DNER: variants seen among roughly 807,000 people sequenced by gnomAD.
The protein encoded by DNER is delta and Notch-like epidermal growth factor-related receptor.
DNER carries 33 observed loss-of-function variants against 78.2 expected under a neutral mutation model. The observed-to-expected ratio is 0.42, with a 90% CI of 0.32 to 0.56. The LOEUF is 0.56. Among genes scored for constraint, DNER ranks in the 20% least tolerant of loss-of-function variants. The pLI is 0.11. For missense variants in DNER, 918 were observed against 975.3 expected, an observed-to-expected ratio of 0.94 and a Z score of 0.78; for synonymous variants, 417 against 384.8, an observed-to-expected ratio of 1.08 and a Z score of -0.98.
In DNER at chr2:229,376,719, CA is replaced by C. The variant is rs575540376; in HGVS notation, c.1856-9601del. Among the ~76,000 whole-genome samples the C allele has an allele frequency of 2.2e-3, 339 of 152,180 alleles. 1 individual carries two copies. Among genetic ancestry groups the C allele is most frequent in the Non-Finnish European group, 3.6e-3 (243 of 67,996 alleles). ...AGTGTGTATAAAACTCTCATTTGTA[CA>C]GGAGAAAATAGGAACTTATCTATTG... On this transcript the variant is annotated intron_variant, in intron 11 of 12. Coordinates refer to ENST00000341772, the MANE Select transcript of DNER (RefSeq NM_139072.4).
At position 229,517,511 on chromosome 2, in the gene DNER, C is replaced by A. The variant is rs1696004186; in HGVS notation, c.994-4575G>T. Among the ~76,000 whole-genome samples the A allele has an allele frequency of 2.0e-5, 3 of 152,260 alleles. No homozygotes were observed. In the East Asian group the frequency reaches 5.8e-4, roughly 29 times the overall value. The stretch of plus-strand genomic sequence containing the variant: ...ATGGAGGCATCCGAGGAAAGGTATT[C>A]CAGGTGAGGGGAACAGCCAGTACAA... On this transcript the variant is annotated intron_variant, in intron 5 of 12. Coordinates refer to ENST00000341772, the MANE Select transcript of DNER (RefSeq NM_139072.4).
chr2:229,388,434 ACCCATGGTT>A, intron 10 of DNER, 38 bp from the exon 11 acceptor site: 2 of 1,557,460 alleles, frequency 1.3e-6, no homozygotes, highest in South Asian at 1.2e-5. Context: ...AAACCGCTGC[ACCCATGGTT>A]CCTGTCATTT....
intron 7 of DNER, among the ~76,000 whole-genome samples, chr2:229,469,807 G>A (rs1694885604): frequency 1.3e-5 from 2 of 152,184 alleles, no homozygotes; most frequent in Admixed American, 6.5e-5. Context: ...GCTGGGCATG[G>A]TGGTGGGTGC....
At chr2:229,394,098 A>G (rs895579897) in intron 10 of DNER, among the ~76,000 whole-genome samples, 1 of 152,218 alleles carries the variant, frequency 6.6e-6, no homozygotes, top group African/African-American at 2.4e-5. Context: ...ATCATAGTGC[A>G]GAAGCGAAAG....
chr2:229,369,479 A>C (rs1692431858), intron 11 of DNER, among the ~76,000 whole-genome samples: 1 of 152,016 alleles, frequency 6.6e-6, no homozygotes, highest in Non-Finnish European at 1.5e-5. Context: ...CTTTCTAAAA[A>C]GTTAAAAAAA....
intron 10 of DNER, among the ~76,000 whole-genome samples, chr2:229,391,718 T>A (rs1693020034): frequency 6.6e-6 from 1 of 152,082 alleles, no homozygotes; most frequent in South Asian, 2.1e-4. Flanking sequence ...ATTTTTTGTA[T>A]TTTTAGTAGA....
chr2:229,572,576 A>G (rs1697235239), intron 4 of DNER, among the ~76,000 whole-genome samples: 1 of 152,178 alleles, frequency 6.6e-6, no homozygotes, highest in South Asian at 2.1e-4. Flanking sequence ...GTGACATATA[A>G]AGCACTGTGC....
At position 229,690,278 on chromosome 2, in the gene DNER, G is replaced by A. The variant is rs571158832; in HGVS notation, c.276+23870C>T. Among the ~76,000 whole-genome samples the A allele has an allele frequency of 2.0e-5, 3 of 152,294 alleles. No individual in the cohort carries two copies. The East Asian group carries it at 5.8e-4, about 29-fold the overall frequency. ...GGGTTGAGAACCACTCATGGAGAGA[G>A]GCAGACTGTTTTTTCTTCTTTTGCC... On this transcript the variant is annotated intron_variant, in intron 1 of 12. Coordinates refer to ENST00000341772, the MANE Select transcript of DNER (RefSeq NM_139072.4).
chr2:229,622,574 G>A (rs190207115), intron 1 of DNER, among the ~76,000 whole-genome samples: 30 of 152,300 alleles, frequency 2.0e-4, no homozygotes, highest in African/African-American at 5.5e-4. Flanking sequence ...AAGCTGAATC[G>A]TGTACCCCCA....
chr2:229,620,531 T>C (rs1183765660), intron 1 of DNER, among the ~76,000 whole-genome samples: 4 of 152,210 alleles, frequency 2.6e-5, no homozygotes, highest in African/African-American at 9.6e-5. Context: ...AGCCGCAGCC[T>C]CGAGGCAGAA....
chr2:229,432,605 G>GT (rs1694031192), intron 8 of DNER, among the ~76,000 whole-genome samples: 2 of 152,024 alleles, frequency 1.3e-5, no homozygotes, highest in South Asian at 4.2e-4. Context: ...TTCATTTGAG[G>GT]TATCCGCACT....
intron 4 of DNER, among the ~76,000 whole-genome samples, chr2:229,560,444 G>T (rs750475903): frequency 2.6e-5 from 4 of 152,152 alleles, no homozygotes; most frequent in Non-Finnish European, 5.9e-5. Flanking sequence ...GGCATGAAAG[G>T]TTTGCAATAT....
Position 229,579,382 on chromosome 2 carries a change from G to A in DNER, c.847+6476C>T, listed in dbSNP as rs149354074. 8.9e-4 allele frequency among the ~76,000 whole-genome samples: 135 copies of A among 152,170 alleles called. 1 individual carries two copies. In the South Asian group the frequency reaches 0.017, roughly 19 times the overall value. The stretch of plus-strand genomic sequence containing the variant: ...CAATGCATCTTTTCTAAACTAATAC[G>A]GAACTGAGTATTTCCCACAGCCCTG... On this transcript the variant is annotated intron_variant, in intron 4 of 12. Coordinates refer to ENST00000341772, the MANE Select transcript of DNER (RefSeq NM_139072.4).
intron 10 of DNER, among the ~76,000 whole-genome samples, chr2:229,389,889 G>A (rs1692979227): frequency 6.6e-6 from 1 of 152,086 alleles, no homozygotes; most frequent in African/African-American, 2.4e-5. Context: ...TTTGTTTCCT[G>A]CAACAAATAT....
chr2:229,474,447 G>C (rs6711463), intron 7 of DNER, among the ~76,000 whole-genome samples: 2 of 152,012 alleles, frequency 1.3e-5, no homozygotes, highest in Non-Finnish European at 2.9e-5. Flanking sequence ...AGTCTTTGTA[G>C]TGGAAAATTC....
At chr2:229,598,287 T>TA (rs1697761512) in intron 1 of DNER, among the ~76,000 whole-genome samples, 1 of 152,258 alleles carries the variant, frequency 6.6e-6, no homozygotes, top group African/African-American at 2.4e-5. Flanking sequence ...TCTGTACTTT[T>TA]ACAGACAACT....
intron 1 of DNER, among the ~76,000 whole-genome samples, chr2:229,601,006 G>A (rs1031142750): frequency 1.3e-5 from 2 of 152,208 alleles, no homozygotes; most frequent in African/African-American, 4.8e-5. Context: ...TGTGATATGG[G>A]AGAGAAAGAC....
intron 3 of DNER, chr2:229,586,799 A>C: frequency 2.0e-6 from 2 of 985,798 alleles, no homozygotes; most frequent in Non-Finnish European, 2.4e-6. Flanking sequence ...ACAGCTGCCC[A>C]TTCTCCCCAG....
At chr2:229,387,893 T>TGTGTGTGTGTGTG (rs3222719) in intron 11 of DNER, among the ~76,000 whole-genome samples, 155 of 71,958 alleles carry the variant, frequency 2.2e-3, no homozygotes, top group African/African-American at 6.3e-3. Flanking sequence ...GTGTGTGTGT[T>TGTGTGTGTGTGTG]TTTTAATTTT....
Sources: gnomAD v4.1 joint callset for allele counts (sites outside exome capture counted in the v4.1 genomes callset) on GRCh38, gnomAD v4.1.1 for gene constraint, MANE v1.5 for transcripts, NCBI Gene and HGNC (gene_info 2026-07-23, HGNC 2026-07-21) for gene names.